APC: variants seen among roughly 807,000 people sequenced by gnomAD.
The protein encoded by APC is APC regulator of Wnt signaling pathway.
Under a neutral mutation model 247.0 loss-of-function variants are expected in APC, and 72 were observed. That is an observed-to-expected ratio of 0.29 (90% CI 0.24 to 0.35). The LOEUF (loss-of-function observed/expected upper bound fraction) is 0.35. APC is among the 10% of genes least tolerant of loss of function. APC has a pLI of 1.00. For synonymous variants in APC, 1,254 were observed against 1,162.5 expected (o/e 1.08, Z -1.60); for missense variants, 3,400 against 3,360.7 (o/e 1.01, Z -0.29).
chr5:112,787,659 T>G (rs920001543), intron 6 of APC, among the ~76,000 whole-genome samples: 4 of 152,224 alleles, frequency 2.6e-5, no homozygotes, highest in African/African-American at 9.6e-5. Context: ...TTTCATTTGT[T>G]TGAGAGATGT....
At chr5:112,766,256 CAAG>C in intron 2 of APC, 67 bp from the exon 3 acceptor site, 1 of 1,166,308 alleles carries the variant, frequency 8.6e-7, no homozygotes, top group Non-Finnish European at 1.3e-6. Context: ...ACTTAAATGT[CAAG>C]AAATACAGAA....
chr5:112,809,471 A>G (rs1419931813), intron 8 of APC, among the ~76,000 whole-genome samples: 1 of 152,198 alleles, frequency 6.6e-6, no homozygotes, highest in Admixed American at 6.5e-5. Context: ...CAATGAGTAT[A>G]CAGTGAGAAG....
Position 112,844,587 on chromosome 5 carries a change from G to A in APC, c.*461G>A, listed in dbSNP as rs988039528. The A allele has an allele frequency of 1.7e-5, 4 of 235,558 alleles. No individual in the cohort carries two copies. Among genetic ancestry groups the A allele is most frequent in the Non-Finnish European group, 3.3e-5 (4 of 119,686 alleles). 14.6% of individuals were successfully genotyped at this position (235,558 alleles called of 1,614,324 possible). A position where few individuals can be genotyped will look rare whatever the true frequency, so the allele number is the denominator to read the frequency against. On this transcript the variant is annotated 3_prime_UTR_variant, in exon 16 of 16. Coordinates refer to ENST00000257430, the MANE Select transcript of APC (RefSeq NM_000038.6). Reference sequence around the variant, plus strand: ...ATCTAACATCATAATTAATCATGTGGCTGTGAAATTCACAGTAATATGGTT... The same window carrying A: ...ATCTAACATCATAATTAATCATGTGACTGTGAAATTCACAGTAATATGGTT...
chr5:112,775,820 G>C (rs2149617218), intron 5 of APC, 83 bp downstream of exon 5: 1 of 764,594 alleles, frequency 1.3e-6, no homozygotes, highest in Non-Finnish European at 2.2e-6. Flanking sequence ...TAAAATTCAG[G>C]ATAACTGAAT....
At chr5:112,710,539 G>C (rs780348982) in intron 1 of APC, among the ~76,000 whole-genome samples, 1 of 151,908 alleles carries the variant, frequency 6.6e-6, no homozygotes, top group Non-Finnish European at 1.5e-5. Flanking sequence ...ACCTTCTTCA[G>C]CCTCTCCCTC....
In APC at chr5:112,843,040, A is replaced by C. The variant is rs780091029; in HGVS notation, c.7446A>C (p.Pro2482=). Residue 2482 remains proline, a synonymous_variant, in exon 16 of 16, where the codon CCA becomes CCC. Coordinates refer to ENST00000257430, the MANE Select transcript of APC (RefSeq NM_000038.6). This position sits in a 1 kb window ranked among gnomAD's most constrained non-coding sequence, Gnocchi z 4.8. ...CCACTAGGTCCCAGGCACAAACTCC[A>C]GTTTTAAGTCCTTCCCTTCCTGATA... The part of the protein sequence containing the change: ...ASPTRSQAQT[P]VLSPSLPDMS... The C allele has an allele frequency of 6.2e-7, 1 of 1,613,894 alleles. No individual in the cohort carries two copies.
chr5:112,759,360 T>C lies in APC; in HGVS notation c.135+4335T>C, dbSNP rs186106659. ...ATTTTCTTTCTTTCTTTCTTTCTTT[T>C]TTTTTTTTTTTTTTTTGAGACCGAG... On this transcript the variant is annotated intron_variant, in intron 2 of 15. Transcript: ENST00000257430. 7.7e-3 allele frequency among the ~76,000 whole-genome samples: 1,104 copies of C among 142,900 alleles called. 10 individuals are homozygous for C. The highest frequency in any genetic ancestry group is 0.067 in the East Asian group (332 of 4,958). The allele number at this position is 142,900 out of a possible 152,430, so 93.7% of individuals were successfully genotyped here.
chr5:112,794,366 C>T (rs532080397), intron 7 of APC, among the ~76,000 whole-genome samples: 4 of 152,312 alleles, frequency 2.6e-5, no homozygotes, highest in African/African-American at 9.6e-5. Context: ...AGGCGTGAGC[C>T]ACTGCGCCTG....
intron 1 of APC, among the ~76,000 whole-genome samples, chr5:112,715,449 G>A (rs746869262): frequency 6.6e-6 from 1 of 152,160 alleles, no homozygotes; most frequent in Non-Finnish European, 1.5e-5. Flanking sequence ...TTGAGAAGCC[G>A]TTTGTGCTAA....
chr5:112,827,139 A>C lies in APC; in HGVS notation c.1440A>C (p.Gln480His), dbSNP rs863224537. 9 of 1,613,628 alleles carry C rather than the reference A, an allele frequency of 5.6e-6. No homozygotes were observed. Among genetic ancestry groups the C allele is most frequent in the Middle Eastern group, 3.3e-4 (2 of 6,076 alleles). ...TACAGGCCATTGCAGAATTATTGCAAGTGGACTGTGAAATGTATGGGCTTA... is the reference window on the plus strand; with the variant it reads ...TACAGGCCATTGCAGAATTATTGCACGTGGACTGTGAAATGTATGGGCTTA... Reference protein sequence around the residue: ...GGLQAIAELLQVDCEMYGLTN... With the variant: ...GGLQAIAELLHVDCEMYGLTN... The change falls in exon 12 of 16, where the codon CAA becomes CAC. Residue 480 changes from glutamine to histidine, a missense_variant. By Grantham distance (24) the Gln-to-His change is conservative. Transcript: ENST00000257430.
intron 11 of APC, among the ~76,000 whole-genome samples, chr5:112,824,298 A>G (rs1370898273): frequency 2.0e-5 from 3 of 152,196 alleles, no homozygotes; most frequent in Non-Finnish European, 4.4e-5. Flanking sequence ...TTTTAATTGT[A>G]TCAATCCAGT....
At chr5:112,732,028 C>T (rs1358771751) in intron 1 of APC, among the ~76,000 whole-genome samples, 1 of 152,232 alleles carries the variant, frequency 6.6e-6, no homozygotes, top group Non-Finnish European at 1.5e-5. Flanking sequence ...TCCCAAAGTG[C>T]TGGGGTTACA....
At position 112,833,481 on chromosome 5, in the gene APC, G is replaced by A. The variant is rs75785823; in HGVS notation, c.1744-1470G>A. ...CAGGCATGAGCCATTGCGCCTGGCC[G>A]CCTGGCTACTTTTTATATTTTTTGT... On this transcript the variant is annotated intron_variant, in intron 14 of 15. Coordinates refer to ENST00000257430, the MANE Select transcript of APC (RefSeq NM_000038.6). 8.3e-3 allele frequency among the ~76,000 whole-genome samples: 1,240 copies of A among 148,546 alleles called. 16 individuals are homozygous for A. The highest frequency in any genetic ancestry group is 0.028 in the African/African-American group (1,159 of 41,240).
chr5:112,728,703 G>GT (rs529683281), intron 1 of APC, among the ~76,000 whole-genome samples: 5,022 of 148,550 alleles, frequency 0.034, 123 homozygotes, highest in Non-Finnish European at 0.051. Context: ...GTATGACTTA[G>GT]TTTTTTTTTT....
At position 112,810,508 on chromosome 5, in the gene APC, C is replaced by T. The variant is rs193210912; in HGVS notation, c.835-4987C>T. On this transcript the variant is annotated intron_variant, in intron 8 of 15. Coordinates refer to ENST00000257430, the MANE Select transcript of APC (RefSeq NM_000038.6). ...AAACAAAAAGATGGCAGTTATAGCA[C>T]GGAGAGTCTAGGTGTATTGGTGACC... 9.2e-5 allele frequency among the ~76,000 whole-genome samples: 14 copies of T among 152,214 alleles called. No homozygotes were observed. The East Asian group carries it at 2.1e-3, about 23-fold the overall frequency.
chr5:112,764,161 G>C (rs1472078929), intron 2 of APC, among the ~76,000 whole-genome samples: 5 of 151,754 alleles, frequency 3.3e-5, no homozygotes, highest in African/African-American at 1.2e-4. Flanking sequence ...CAGGAGAATG[G>C]CGTGAACTTG....
chr5:112,827,071 G>A (rs1002717735), intron 11 of APC, 37 bp from the exon 12 acceptor site: 1 of 1,609,940 alleles, frequency 6.2e-7, no homozygotes, highest in African/African-American at 1.3e-5. Flanking sequence ...TTTTATTTTA[G>A]ATGATTGTCT....
chr5:112,742,060 C>A (rs1258200326), intron 1 of APC, among the ~76,000 whole-genome samples: 1 of 152,140 alleles, frequency 6.6e-6, no homozygotes, highest in Non-Finnish European at 1.5e-5. Context: ...TTTTGTCTAT[C>A]ATGAATAATG....
At chr5:112,837,123 A>G (rs1183396132) in intron 15 of APC, among the ~76,000 whole-genome samples, 3 of 152,218 alleles carry the variant, frequency 2.0e-5, no homozygotes, top group African/African-American at 7.2e-5. Flanking sequence ...AAAAATCTTC[A>G]ATCAATTCTA....
Sources: allele counts gnomAD v4.1 joint callset (sites outside exome capture counted in the v4.1 genomes callset), GRCh38; gene constraint gnomAD v4.1.1; non-coding constraint Gnocchi (gnomAD v3.1); transcripts MANE v1.5; gene names NCBI Gene and HGNC (gene_info 2026-07-23, HGNC 2026-07-21).